The following NDUFS3 variants were observed in gnomAD, a reference collection of about 807,000 sequenced individuals.
NDUFS3 encodes NADH dehydrogenase [ubiquinone] iron-sulfur protein 3, mitochondrial.
In NDUFS3, 19 loss-of-function variants were observed where a neutral mutation model predicts 30.8. The ratio of observed to expected loss-of-function variants is 0.62; its 90% CI spans 0.43 to 0.91. The LOEUF (loss-of-function observed/expected upper bound fraction) is 0.91, where lower values mean the gene tolerates loss of function less well. Among genes scored for constraint, NDUFS3 ranks in the 40% least tolerant of loss-of-function variants. NDUFS3 has a pLI of 0.00. For synonymous variants in NDUFS3, 153 were observed against 135.8 expected, an observed-to-expected ratio of 1.13 and a Z score of -0.88; for missense variants, 331 against 342.0, an observed-to-expected ratio of 0.97 and a Z score of 0.25.
chr11:47,580,673 G>A (rs767199393), intron 3 of NDUFS3, 51 bp downstream of exon 3: 11 of 1,596,764 alleles, frequency 6.9e-6, no homozygotes, highest in African/African-American at 5.4e-5. Context: ...AACCATGTTC[G>A]CAGGGCATGT....
intron 4 of NDUFS3, 105 bp from the exon 5 acceptor site, chr11:47,581,983 A>G (rs962969972): frequency 3.6e-5 from 52 of 1,462,904 alleles, no homozygotes; most frequent in Middle Eastern, 4.8e-4. Context: ...AGCATAGGAG[A>G]ATCTTGAGGT....
In NDUFS3 at chr11:47,584,455, G is replaced by GCTT; in HGVS notation, c.769_770insCTT (p.Gly257delinsAlaTer). 6.2e-7 allele frequency: 1 copy of GCTT among 1,614,060 alleles called. No homozygotes were observed. The highest frequency in any genetic ancestry group is 1.1e-5 in the South Asian group (1 of 91,078). ...CCCGGAGAGTCTCAAGCTTGAAGCCGGAGACAAGAAGCCTGATGCCAAGTA... is the reference window on the plus strand; with the variant it reads ...CCCGGAGAGTCTCAAGCTTGAAGCCGCTTGAGACAAGAAGCCTGATGCCAAGTA... On this transcript the variant is annotated stop_gained and protein_altering_variant, in exon 7 of 7. Transcript: ENST00000263774. LOFTEE classifies it high-confidence loss of function.
At chr11:47,581,073 C>G in intron 4 of NDUFS3, 89 bp downstream of exon 4, 1 of 1,516,344 alleles carries the variant, frequency 6.6e-7, no homozygotes, top group Middle Eastern at 2.2e-4. Flanking sequence ...TAAACTGGAA[C>G]TTCAGAGTCA....
intron 4 of NDUFS3, chr11:47,581,637 G>A (rs571251018): frequency 7.5e-6 from 2 of 267,382 alleles, no homozygotes; most frequent in African/African-American, 4.4e-5. Flanking sequence ...CAGACTCTGG[G>A]ATGGAGAGAG....
At position 47,579,300 on chromosome 11, in the gene NDUFS3, G is replaced by T. The variant is rs148226917; in HGVS notation, c.99G>T (p.Pro33=). The T allele has an allele frequency of 1.2e-4, 197 of 1,614,146 alleles. No individual in the cohort carries two copies. In the African/African-American group the frequency reaches 2.5e-3, roughly 21 times the overall value. ...GGCGACCCTCCGTTCTGTTGCTGCCGGTGAGGCGGGAGAGCGCCGGGGCCG... is the reference window on the plus strand; with the variant it reads ...GGCGACCCTCCGTTCTGTTGCTGCCTGTGAGGCGGGAGAGCGCCGGGGCCG... The part of the protein sequence containing the change: ...GTGRPSVLLL[P]VRRESAGADT... Residue 33 remains proline (P), a synonymous_variant, in exon 2 of 7, where the codon CCG becomes CCT. Coordinates refer to ENST00000263774, the MANE Select transcript of NDUFS3 (RefSeq NM_004551.3).
Position 47,582,142 on chromosome 11 carries a change from TAC to T in NDUFS3, c.440_441del (p.Thr147ArgfsTer2). 6.2e-7 allele frequency: 1 copy of T among 1,614,190 alleles called. No homozygotes were observed. Among genetic ancestry groups the T allele is most frequent in the Non-Finnish European group, 8.5e-7 (1 of 1,180,016 alleles). The part of the protein sequence containing the change: ...RFNSRIRVKT[Y>X]TDELTPIESA... Reference sequence around the variant, plus strand: ...CAACTCACGGATCCGTGTGAAGACCTACACAGATGAGCTGACGCCCATTGAGT... The same window carrying T: ...CAACTCACGGATCCGTGTGAAGACCTACAGATGAGCTGACGCCCATTGAGT... On this transcript the variant is annotated frameshift_variant, in exon 5 of 7. Coordinates refer to ENST00000263774, the MANE Select transcript of NDUFS3 (RefSeq NM_004551.3). LOFTEE classifies it high-confidence loss of function.
At chr11:47,581,240 G>T (rs561652395) in intron 4 of NDUFS3, 14 of 455,606 alleles carry the variant, frequency 3.1e-5, no homozygotes, top group South Asian at 2.5e-4. Context: ...TGCAACCTCC[G>T]TCTCCCAGGT....
Position 47,580,599 on chromosome 11 carries a change from C to A in NDUFS3, c.208C>A (p.Pro70Thr). 6.2e-7 allele frequency: 1 copy of A among 1,614,144 alleles called. No individual in the cohort carries two copies. Among genetic ancestry groups the A allele is most frequent in the Non-Finnish European group, 8.5e-7 (1 of 1,180,008 alleles). Reference protein sequence around the residue: ...AFGEYVAEILPKYVQQVQVSC... With the variant: ...AFGEYVAEILTKYVQQVQVSC... ...TGGAGAGTATGTGGCTGAAATCTTGCCCAAGTATGTCCAACAAGTTCAGGT... is the reference window on the plus strand; with the variant it reads ...TGGAGAGTATGTGGCTGAAATCTTGACCAAGTATGTCCAACAAGTTCAGGT... Residue 70 changes from proline (P) to threonine (T), a missense_variant, in exon 3 of 7, where the codon CCC becomes ACC. Coordinates refer to ENST00000263774, the MANE Select transcript of NDUFS3 (RefSeq NM_004551.3).
chr11:47,581,711 A>G (rs939546323), intron 4 of NDUFS3: 3 of 335,966 alleles, frequency 8.9e-6, no homozygotes, highest in South Asian at 2.5e-5. Context: ...AAAGACACCT[A>G]AACAGCTTAC....
Position 47,579,297 on chromosome 11 carries a change from G to A in NDUFS3, c.96G>A (p.Leu32=), listed in dbSNP as rs1442783467. The change falls in exon 2 of 7, where the codon CTG becomes CTA. Residue 32 remains leucine (L), a synonymous_variant. Transcript: ENST00000263774. The part of the protein sequence containing the change: ...RGTGRPSVLL[L]PVRRESAGAD... Reference sequence around the variant, plus strand: ...CTGGGCGACCCTCCGTTCTGTTGCTGCCGGTGAGGCGGGAGAGCGCCGGGG... The same window carrying A: ...CTGGGCGACCCTCCGTTCTGTTGCTACCGGTGAGGCGGGAGAGCGCCGGGG... 2 of 1,614,196 alleles carry A rather than the reference G, an allele frequency of 1.2e-6. No individual in the cohort carries two copies. The highest frequency in any genetic ancestry group is 2.2e-5 in the East Asian group (1 of 44,886).
chr11:47,582,400 A>G lies in NDUFS3; in HGVS notation c.559A>G (p.Ile187Val). 6.2e-7 allele frequency: 1 copy of G among 1,614,162 alleles called. No homozygotes were observed. The highest frequency in any genetic ancestry group is 8.5e-7 in the Non-Finnish European group (1 of 1,180,054). The change falls in exon 6 of 7, where the codon ATC becomes GTC. Residue 187 changes from isoleucine (I) to valine (V), a missense_variant. By Grantham distance (29) the Ile-to-Val change is conservative (BLOSUM62 3). Coordinates refer to ENST00000263774, the MANE Select transcript of NDUFS3 (RefSeq NM_004551.3). ...TGCTAACCACCCTGATCTAAGAAGG[A>G]TCCTGACAGATTATGGCTTCGAGGG... The part of the protein sequence containing the change: ...FFANHPDLRR[I>V]LTDYGFEGHP...
At chr11:47,579,201 G>A (rs897731247) in intron 1 of NDUFS3, 43 bp downstream of exon 1, 1 of 1,613,716 alleles carries the variant, frequency 6.2e-7, no homozygotes. Context: ...AGGCGCAGCG[G>A]CGTGCCCAGT....
chr11:47,579,148 G>A lies in NDUFS3; in HGVS notation c.57G>A (p.Ala19=), dbSNP rs1489759026. The change falls in exon 1 of 7, where the codon GCG becomes GCA. Residue 19 remains alanine, a synonymous_variant. Coordinates refer to ENST00000263774, the MANE Select transcript of NDUFS3 (RefSeq NM_004551.3). ...GGCGCGGGATCTTGGGGGCCTCGGCGCTGACCAGGGGTGAGCACGGGCAGC... is the reference window on the plus strand; with the variant it reads ...GGCGCGGGATCTTGGGGGCCTCGGCACTGACCAGGGGTGAGCACGGGCAGC... The part of the protein sequence containing the change: ...LWWRGILGAS[A]LTRGTGRPSV... 4 of 1,606,292 alleles carry A rather than the reference G, an allele frequency of 2.5e-6. No homozygotes were observed. Among genetic ancestry groups the A allele is most frequent in the East Asian group, 4.5e-5 (2 of 44,618 alleles).
rs767197716 is a variant in NDUFS3 at position 47,582,189 on chromosome 11, G to A, written c.483G>A (p.Lys161=). The A allele has an allele frequency of 1.2e-5, 20 of 1,614,220 alleles. No individual in the cohort carries two copies. Among genetic ancestry groups the A allele is most frequent in the Non-Finnish European group, 1.7e-5 (20 of 1,180,038 alleles). Residue 161 remains lysine (K), a synonymous_variant, in exon 5 of 7, where the codon AAG becomes AAA. Transcript: ENST00000263774. The part of the protein sequence containing the change: ...TPIESAVSVF[K]AANWYEREIW... Reference sequence around the variant, plus strand: ...TTGAGTCTGCTGTCTCTGTGTTCAAGGCAGCCAACTGGTATGAAAGGGAGG... The same window carrying A: ...TTGAGTCTGCTGTCTCTGTGTTCAAAGCAGCCAACTGGTATGAAAGGGAGG...
intron 4 of NDUFS3, 54 bp downstream of exon 4, chr11:47,581,038 GT>G: frequency 6.2e-7 from 1 of 1,605,482 alleles, no homozygotes. Flanking sequence ...ATTTCAGTTT[GT>G]AACATACAAT....
At chr11:47,582,648 C>T (rs150584051) in intron 6 of NDUFS3, among the ~76,000 whole-genome samples, 180 bp downstream of exon 6, 1 of 152,192 alleles carries the variant, frequency 6.6e-6, no homozygotes, top group East Asian at 1.9e-4. Flanking sequence ...TTGACTGTAA[C>T]TCAGTTTTCT....
rs771207417 is a variant in NDUFS3 at position 47,580,998 on chromosome 11, T to C, written c.381+14T>C. The C allele has an allele frequency of 1.9e-6, 3 of 1,614,116 alleles. No homozygotes were observed. The highest frequency in any genetic ancestry group is 2.5e-6 in the Non-Finnish European group (3 of 1,180,038). On this transcript the variant is annotated intron_variant, in intron 4 of 6. Coordinates refer to ENST00000263774, the MANE Select transcript of NDUFS3 (RefSeq NM_004551.3). The stretch of plus-strand genomic sequence containing the variant: ...AACCGTTTTGAGGTCAGTTGGGAGA[T>C]CTGAGAAGGTTTTGGGGGTAAGGAT...
At chr11:47,581,355 C>A (rs1472723699) in intron 4 of NDUFS3, 2 of 314,212 alleles carry the variant, frequency 6.4e-6, no homozygotes, top group Non-Finnish European at 1.2e-5. Flanking sequence ...CTGGGTTTCA[C>A]CATGTTGGCC....
chr11:47,579,329 C>T lies in NDUFS3; in HGVS notation c.128C>T (p.Thr43Met), dbSNP rs2097266625. The change falls in exon 2 of 7, where the codon ACG becomes ATG. Residue 43 changes from threonine (T) to methionine (M), a missense_variant. By Grantham distance (81) the Thr-to-Met change is moderately conservative. Transcript: ENST00000263774. Reference protein sequence around the residue: ...PVRRESAGADTRPTVRPRNDV... With the variant: ...PVRRESAGADMRPTVRPRNDV... ...AGGCGGGAGAGCGCCGGGGCCGACA[C>T]GCGCCGTGAGTATGTGCGGGCAGCG... The T allele has an allele frequency of 6.2e-7, 1 of 1,613,686 alleles. No individual in the cohort carries two copies. Among genetic ancestry groups the T allele is most frequent in the Non-Finnish European group, 8.5e-7 (1 of 1,180,038 alleles).
Sources: allele counts gnomAD v4.1 joint callset (sites outside exome capture counted in the v4.1 genomes callset), GRCh38; gene constraint gnomAD v4.1.1; transcripts MANE v1.5; gene names NCBI Gene and HGNC (gene_info 2026-07-23, HGNC 2026-07-21).